ACSM3: variants seen among roughly 807,000 people sequenced by gnomAD.
ACSM3 encodes the protein acyl-CoA synthetase medium chain family member 3.
ACSM3 carries 61 observed loss-of-function variants against 74.1 expected under a neutral mutation model. That is an observed-to-expected ratio of 0.82 (90% CI 0.67 to 1.02). The LOEUF is 1.02. Ranked by LOEUF, ACSM3 falls within the 50% of genes least tolerant of loss-of-function variation. The pLI, the probability that ACSM3 is intolerant of heterozygous loss-of-function variation, is 0.00. For synonymous variants in ACSM3, 213 were observed against 241.5 expected, an observed-to-expected ratio of 0.88 and a Z score of 1.09; for missense variants, 660 against 697.0, an observed-to-expected ratio of 0.95 and a Z score of 0.60.
Position 20,781,777 on chromosome 16 carries a change from G to T in ACSM3, c.1009G>T (p.Asp337Tyr). ...TGTATACCGAATGCTTGTACAGAAT[G>T]ATATAACCAGGTAAGAAATGTTAGT... ...PTVYRMLVQN[D>Y]ITSYKFKSLK... Residue 337 changes from aspartate (D) to tyrosine (Y), a missense_variant, in exon 7 of 14, where the codon GAT becomes TAT. Asp to Tyr is a radical substitution (Grantham distance 160). Coordinates refer to ENST00000289416, the MANE Select transcript of ACSM3 (RefSeq NM_005622.4). 1 of 1,607,442 alleles carries T rather than the reference G, an allele frequency of 6.2e-7. No homozygotes were observed. Among genetic ancestry groups the T allele is most frequent in the Non-Finnish European group, 8.5e-7 (1 of 1,174,054 alleles).
intron 1 of ACSM3, among the ~76,000 whole-genome samples, chr16:20,723,794 G>A (rs1282605896): frequency 2.6e-5 from 4 of 152,118 alleles, no homozygotes; most frequent in Non-Finnish European, 5.9e-5. Flanking sequence ...TTTGTCAAAT[G>A]AGTAGGTTGC....
At chr16:20,764,422 T>G (rs1444010193) in intron 1 of ACSM3, among the ~76,000 whole-genome samples, 2 of 152,182 alleles carry the variant, frequency 1.3e-5, no homozygotes, top group Non-Finnish European at 2.9e-5. Flanking sequence ...AAATTTTTTT[T>G]TTAATTTTAA....
At chr16:20,742,813 A>ATAT (rs61582869) in intron 1 of ACSM3, among the ~76,000 whole-genome samples, 2 of 66,820 alleles carry the variant, frequency 3.0e-5, no homozygotes, top group East Asian at 3.4e-4. Context: ...ATATATATAT[A>ATAT]TTTTTTTTTT....
At chr16:20,781,653 TA>T (rs1226345970) in intron 6 of ACSM3, 54 bp from the exon 7 acceptor site, 1 of 1,303,978 alleles carries the variant, frequency 7.7e-7, no homozygotes, top group East Asian at 2.3e-5. Flanking sequence ...CAAAGACATT[TA>T]AGCACTTATT....
chr16:20,765,482 A>G (rs148660705), intron 1 of ACSM3, among the ~76,000 whole-genome samples: 22 of 152,192 alleles, frequency 1.4e-4, no homozygotes, highest in Non-Finnish European at 2.1e-4. Flanking sequence ...GGTGTAGAGT[A>G]TTGTATGGGA....
upstream of ACSM3, among the ~76,000 whole-genome samples, chr16:20,759,559 CAAA>C (rs35117717): frequency 1.2e-4 from 9 of 76,130 alleles, no homozygotes; most frequent in Middle Eastern, 7.1e-3. Context: ...GACTCCATCT[CAAA>C]AAAAAAAAAA....
chr16:20,790,883 CCT>C lies in ACSM3; in HGVS notation c.1326+196_1326+197del. The C allele has an allele frequency of 1.9e-6, 3 of 1,614,030 alleles. No homozygotes were observed. Among genetic ancestry groups the C allele is most frequent in the Non-Finnish European group, 2.5e-6 (3 of 1,179,972 alleles). On this transcript the variant is annotated intron_variant, in intron 10 of 13. Coordinates refer to ENST00000289416, the MANE Select transcript of ACSM3 (RefSeq NM_005622.4). This position sits in a 1 kb window ranked among gnomAD's most constrained non-coding sequence, Gnocchi z 4.0. ...TTGCTGAAGAAAAGCATGCTGGTCCCCTGAGGCCAGATCACTGTTCCAGGTCC... is the reference window on the plus strand; with the variant it reads ...TTGCTGAAGAAAAGCATGCTGGTCCCGAGGCCAGATCACTGTTCCAGGTCC...
At chr16:20,777,329 G>A (rs2080267195) in intron 3 of ACSM3, 44 bp from the exon 4 acceptor site, 1 of 1,545,154 alleles carries the variant, frequency 6.5e-7, no homozygotes, top group Non-Finnish European at 8.9e-7. Flanking sequence ...ACATAATGAA[G>A]AATAACATTT....
intron 1 of ACSM3, among the ~76,000 whole-genome samples, chr16:20,740,621 A>C (rs1310165623): frequency 2.0e-5 from 3 of 152,174 alleles, no homozygotes; most frequent in African/African-American, 7.2e-5. Flanking sequence ...GCATCAAATA[A>C]TGTGCCCATG....
In ACSM3 at chr16:20,797,067, T is replaced by C. The variant is rs2080737278; in HGVS notation, c.*95T>C. 1.3e-6 allele frequency: 2 copies of C among 1,486,334 alleles called. No homozygotes were observed. Among genetic ancestry groups the C allele is most frequent in the Non-Finnish European group, 1.8e-6 (2 of 1,124,032 alleles). 92.1% of individuals were successfully genotyped at this position (1,486,334 alleles called of 1,614,324 possible). Reference sequence around the variant, plus strand: ...GATGGAGAGGTCATAAAAACTGTGGTAGTATGCTTAGAAACTGTTGATTTA... The same window carrying C: ...GATGGAGAGGTCATAAAAACTGTGGCAGTATGCTTAGAAACTGTTGATTTA... On this transcript the variant is annotated 3_prime_UTR_variant, in exon 14 of 14. Transcript: ENST00000289416.
intron 1 of ACSM3, among the ~76,000 whole-genome samples, chr16:20,727,969 C>T (rs1455317596): frequency 6.6e-6 from 1 of 152,196 alleles, no homozygotes. Flanking sequence ...TGTGTTTCAA[C>T]AATGCTCCAG....
In ACSM3 at chr16:20,790,645, A is replaced by C; in HGVS notation, c.1283A>C (p.Gln428Pro). 1 of 1,614,168 alleles carries C rather than the reference A, an allele frequency of 6.2e-7. No individual in the cohort carries two copies. Residue 428 changes from glutamine to proline, a missense_variant, in exon 10 of 14, where the codon CAA becomes CCA. Coordinates refer to ENST00000289416, the MANE Select transcript of ACSM3 (RefSeq NM_005622.4). This position sits in a 1 kb window ranked among gnomAD's most constrained non-coding sequence, Gnocchi z 4.0. ...GGACAAGAAGGAGATATTGGCATTC[A>C]AGTTCTACCCAACCGACCATTTGGC... Reference protein sequence around the residue: ...PPGQEGDIGIQVLPNRPFGLF... With the variant: ...PPGQEGDIGIPVLPNRPFGLF...
intron 3 of ACSM3, 21 bp from the exon 4 acceptor site, chr16:20,777,352 G>A (rs771106487): frequency 3.8e-6 from 6 of 1,598,440 alleles, no homozygotes; most frequent in South Asian, 3.3e-5. Flanking sequence ...TCTAAACACT[G>A]TTTCTTTTCT....
intron 1 of ACSM3, among the ~76,000 whole-genome samples, chr16:20,748,748 A>T (rs1270304392): frequency 6.6e-6 from 1 of 152,124 alleles, no homozygotes; most frequent in Non-Finnish European, 1.5e-5. Flanking sequence ...TTATATCTAA[A>T]CATGTTAATA....
chr16:20,679,549 A>G (rs1400165534), intron 1 of ACSM3: 1 of 152,254 alleles, frequency 6.6e-6, no homozygotes, highest in Non-Finnish European at 1.5e-5. Context: ...AAGGTTTGCC[A>G]TTCCTATGTG....
chr16:20,779,149 C>T (rs532376527), intron 4 of ACSM3, among the ~76,000 whole-genome samples: 39 of 152,140 alleles, frequency 2.6e-4, no homozygotes, highest in Non-Finnish European at 4.3e-4. Context: ...TTTAGCCAGG[C>T]GCAGTGGCTG....
At chr16:20,732,079 TA>T (rs1386585898) in intron 1 of ACSM3, among the ~76,000 whole-genome samples, 4 of 152,184 alleles carry the variant, frequency 2.6e-5, no homozygotes, top group Non-Finnish European at 5.9e-5. Flanking sequence ...TTGGCCCTAA[TA>T]CCCATATAAA....
intron 7 of ACSM3, among the ~76,000 whole-genome samples, chr16:20,784,347 G>A (rs577536869): frequency 1.2e-4 from 19 of 152,290 alleles, no homozygotes; most frequent in Non-Finnish European, 2.6e-4. Context: ...GGGTACAGCA[G>A]ATTACAGAGT....
chr16:20,793,204 C>G (rs1271456042), intron 12 of ACSM3, among the ~76,000 whole-genome samples: 1 of 152,198 alleles, frequency 6.6e-6, no homozygotes, highest in Non-Finnish European at 1.5e-5. Flanking sequence ...CACAGTGGCT[C>G]ACACCTGTAA....
Sources: allele counts gnomAD v4.1 joint callset (sites outside exome capture counted in the v4.1 genomes callset), GRCh38; gene constraint gnomAD v4.1.1; non-coding constraint Gnocchi (gnomAD v3.1); transcripts MANE v1.5; gene names NCBI Gene and HGNC (gene_info 2026-07-23, HGNC 2026-07-21).